Variants in NUP205 observed in about 807,000 individuals in gnomAD.
NUP205 encodes nuclear pore complex protein Nup205.
In NUP205, 76 loss-of-function variants were observed where a neutral mutation model predicts 253.8. The ratio of observed to expected loss-of-function variants is 0.30; its 90% CI spans 0.25 to 0.36. NUP205 has a LOEUF of 0.36. Ranked by LOEUF, NUP205 falls within the 10% of genes least tolerant of loss-of-function variation. The pLI, the probability that NUP205 is intolerant of heterozygous loss-of-function variation, is 1.00. For synonymous variants in NUP205, 832 were observed against 850.1 expected, an observed-to-expected ratio of 0.98 and a Z score of 0.37; for missense variants, 2,162 against 2,425.5, an observed-to-expected ratio of 0.89 and a Z score of 2.28.
chr7:135,627,514 A>C (rs1405594802), intron 33 of NUP205, among the ~76,000 whole-genome samples: 1 of 152,168 alleles, frequency 6.6e-6, no homozygotes, highest in East Asian at 1.9e-4. Context: ...AATCCAAAAA[A>C]ATCTGCAACA....
chr7:135,625,725 T>C (rs1794575677), intron 32 of NUP205, among the ~76,000 whole-genome samples: 1 of 152,218 alleles, frequency 6.6e-6, no homozygotes, highest in Non-Finnish European at 1.5e-5. Context: ...AACACAGCAT[T>C]TTCAATATAG....
intron 10 of NUP205, among the ~76,000 whole-genome samples, chr7:135,590,224 G>A (rs903469012): frequency 6.6e-6 from 1 of 150,804 alleles, no homozygotes; most frequent in Non-Finnish European, 1.5e-5. Flanking sequence ...TGATTCTACC[G>A]CCTCAGCCTC....
At chr7:135,642,673 AG>A (rs1490499199) in intron 38 of NUP205, among the ~76,000 whole-genome samples, 1 of 152,228 alleles carries the variant, frequency 6.6e-6, no homozygotes. Flanking sequence ...TGAATATTTC[AG>A]TTACTATTCT....
intron 1 of NUP205, among the ~76,000 whole-genome samples, chr7:135,561,800 A>G (rs935197590): frequency 6.6e-6 from 1 of 151,470 alleles, no homozygotes; most frequent in Admixed American, 6.6e-5. Flanking sequence ...CTTTCTCTCC[A>G]CTGATGATCT....
chr7:135,638,431 AAG>A lies in NUP205; in HGVS notation c.5266-124_5266-123del, dbSNP rs1491170328. 6.9e-5 allele frequency: 60 copies of A among 875,864 alleles called. No homozygotes were observed. In the East Asian group the frequency reaches 8.0e-4, roughly 12 times the overall value. The allele number at this position is 875,864 out of a possible 1,614,324, so 54.3% of individuals were successfully genotyped here. A position where few individuals can be genotyped will look rare whatever the true frequency, so the allele number is the denominator to read the frequency against. The stretch of plus-strand genomic sequence containing the variant: ...CTCCATCTGAAAAAAAAAAAAAAAA[AAG>A]AATACACAGATGTGAGTCATTTTAC... On this transcript the variant is annotated intron_variant, in intron 37 of 42. Coordinates refer to ENST00000285968, the MANE Select transcript of NUP205 (RefSeq NM_015135.3).
chr7:135,638,494 AT>A, intron 37 of NUP205, 62 bp from the exon 38 acceptor site: 2 of 1,475,458 alleles, frequency 1.4e-6, no homozygotes, highest in Non-Finnish European at 1.9e-6. Flanking sequence ...TCAAATCTCG[AT>A]TTTCATGCTA....
rs181755082 is a variant in NUP205 at position 135,631,387 on chromosome 7, C to T, written c.5059+917C>T. Among the ~76,000 whole-genome samples the T allele has an allele frequency of 2.7e-4, 41 of 152,192 alleles. No individual in the cohort carries two copies. In the East Asian group the frequency reaches 6.0e-3, roughly 22 times the overall value. ...TATGTCACCTTTTAAAAGATCACTG[C>T]GAGTAAGGAAAAACATTATGAAACA... is the stretch of plus-strand genomic sequence containing the variant. On this transcript the variant is annotated intron_variant, in intron 35 of 42. Transcript: ENST00000285968.
chr7:135,588,620 G>A (rs1264375480), intron 10 of NUP205, among the ~76,000 whole-genome samples: 1 of 150,420 alleles, frequency 6.6e-6, no homozygotes, highest in African/African-American at 2.5e-5. Context: ...TTGCTATGAT[G>A]ACCAGGCTGG....
At chr7:135,609,416 T>G (rs1218399379) in intron 22 of NUP205, among the ~76,000 whole-genome samples, 2 of 151,260 alleles carry the variant, frequency 1.3e-5, no homozygotes, top group African/African-American at 4.9e-5. Context: ...AGGTGGAGCT[T>G]GCAGTGAGCC....
At chr7:135,582,865 TGGA>T (rs72342633) in intron 7 of NUP205, among the ~76,000 whole-genome samples, 45,687 of 150,214 alleles carry the variant, frequency 0.3, 7,052 homozygotes, top group Middle Eastern at 0.47. Flanking sequence ...CCGAGGCGGG[TGGA>T]TCATGAGGTC....
In NUP205 at chr7:135,562,683, G is replaced by A. The variant is rs1013698047; in HGVS notation, c.28+4711G>A. 1.9e-4 allele frequency among the ~76,000 whole-genome samples: 29 copies of A among 151,844 alleles called. 1 individual carries two copies. Among genetic ancestry groups the A allele is most frequent in the Admixed American group, 1.8e-3 (27 of 15,204 alleles). On this transcript the variant is annotated intron_variant, in intron 1 of 42. Transcript: ENST00000285968. ...TTGCCTCAGCCTCCTGAGTAGCTGGGACTACAGGCGTGCGCCACCACACCC... is the reference window on the plus strand; with the variant it reads ...TTGCCTCAGCCTCCTGAGTAGCTGGAACTACAGGCGTGCGCCACCACACCC...
chr7:135,643,410 A>G lies in NUP205; in HGVS notation c.5559+52A>G, dbSNP rs1269813274. 2.7e-6 allele frequency: 4 copies of G among 1,475,116 alleles called. No individual in the cohort carries two copies. In the South Asian group the frequency reaches 4.8e-5, roughly 18 times the overall value. 91.4% of individuals were successfully genotyped at this position (1,475,116 alleles called of 1,614,324 possible). A position where few individuals can be genotyped will look rare whatever the true frequency, so the allele number is the denominator to read the frequency against. On this transcript the variant is annotated intron_variant, in intron 39 of 42. Transcript: ENST00000285968. ...GACTTGAGAAATCATTGCTGTTACT[A>G]GGCCAGGGTACTCAGACTGAGTAAA...
intron 22 of NUP205, among the ~76,000 whole-genome samples, chr7:135,613,530 CTTTTCTTTTT>C (rs201007853): frequency 0.034 from 5,097 of 150,460 alleles, 113 homozygotes; most frequent in Middle Eastern, 0.1. Flanking sequence ...TAATTTTTTT[CTTTTCTTTTT>C]TTTTCTTTTT....
chr7:135,591,335 C>A (rs746277463), intron 10 of NUP205, 115 bp from the exon 11 acceptor site: 4 of 781,402 alleles, frequency 5.1e-6, no homozygotes, highest in Non-Finnish European at 8.1e-6. Context: ...TTGTCTGTTG[C>A]GAGGGTTAAG....
chr7:135,576,554 A>G, intron 4 of NUP205, 140 bp downstream of exon 4: 1 of 727,466 alleles, frequency 1.4e-6, no homozygotes, highest in Non-Finnish European at 2.2e-6. Flanking sequence ...GACAGATATA[A>G]CAATTTAAAC....
chr7:135,579,847 T>C (rs1563114458), intron 7 of NUP205, among the ~76,000 whole-genome samples: 1 of 152,194 alleles, frequency 6.6e-6, no homozygotes, highest in Non-Finnish European at 1.5e-5. Flanking sequence ...GGTTTCACCA[T>C]GTTGGCTGGG....
chr7:135,564,678 C>T (rs1311680218), intron 1 of NUP205, among the ~76,000 whole-genome samples: 1 of 151,882 alleles, frequency 6.6e-6, no homozygotes, highest in Non-Finnish European at 1.5e-5. Context: ...ATTACAGGTG[C>T]GAGCCACCTT....
intron 7 of NUP205, among the ~76,000 whole-genome samples, chr7:135,581,873 A>G (rs963841481): frequency 6.6e-6 from 1 of 152,046 alleles, no homozygotes; most frequent in Admixed American, 6.6e-5. Context: ...AAATCAACAA[A>G]AAAACCAAGC....
chr7:135,592,806 G>C (rs1344433505), intron 11 of NUP205, among the ~76,000 whole-genome samples, 181 bp from the exon 12 acceptor site: 1 of 152,156 alleles, frequency 6.6e-6, no homozygotes, highest in Non-Finnish European at 1.5e-5. Context: ...AGAATTGCTT[G>C]AACCTGGGGA....
Sources: gnomAD v4.1 joint callset for allele counts (sites outside exome capture counted in the v4.1 genomes callset) on GRCh38, gnomAD v4.1.1 for gene constraint, MANE v1.5 for transcripts, NCBI Gene and HGNC (gene_info 2026-07-23, HGNC 2026-07-21) for gene names.